IGSF11: variants seen among roughly 807,000 people sequenced by gnomAD.
IGSF11 encodes the protein immunoglobulin superfamily member 11.
Under a neutral mutation model 41.0 loss-of-function variants are expected in IGSF11, and 22 were observed. The observed-to-expected ratio is 0.54, with a 90% CI of 0.38 to 0.77. The LOEUF (loss-of-function observed/expected upper bound fraction) is 0.77, where lower values mean the gene tolerates loss of function less well. IGSF11 is among the 30% of genes least tolerant of loss of function. IGSF11 has a pLI of 0.00. For synonymous variants in IGSF11, 219 were observed against 201.3 expected, an observed-to-expected ratio of 1.09 and a Z score of -0.74; for missense variants, 444 against 530.8, an observed-to-expected ratio of 0.84 and a Z score of 1.61.
At chr3:119,039,004 A>C (rs1941014154), upstream of IGSF11, among the ~76,000 whole-genome samples, 3 of 152,198 alleles carry the variant, frequency 2.0e-5, no homozygotes, top group Admixed American at 2.0e-4. Context: ...TGCACAAAGG[A>C]AGGAATCCAT....
At chr3:119,045,507 T>C (rs988318217) in intron 1 of IGSF11, among the ~76,000 whole-genome samples, 1 of 152,158 alleles carries the variant, frequency 6.6e-6, no homozygotes, top group African/African-American at 2.4e-5. Context: ...CCACGGAGTC[T>C]CGCTGATTGC....
At position 118,985,696 on chromosome 3, in the gene IGSF11, C is replaced by T. The variant is rs368917191; in HGVS notation, c.52+48835G>A. 1.8e-4 allele frequency among the ~76,000 whole-genome samples: 28 copies of T among 152,324 alleles called. 2 individuals are homozygous for T. In the East Asian group the frequency reaches 4.1e-3, roughly 22 times the overall value. ...TTCATCCTTTACAATGAAACTATCA[C>T]TCATTTTACCTCCTAAATTGGTCTC... On this transcript the variant is annotated intron_variant, in intron 1 of 6. Transcript: ENST00000393775.
intron 1 of IGSF11, among the ~76,000 whole-genome samples, chr3:118,998,528 T>C (rs556865863): frequency 2.0e-5 from 3 of 152,086 alleles, no homozygotes; most frequent in Admixed American, 2.0e-4. Context: ...CAAACTGACT[T>C]CTTTCATTTA....
chr3:118,947,581 T>A lies in IGSF11; in HGVS notation c.53-17306A>T, dbSNP rs1559942718. ...GATAAAGCTGGCTATAAATTCACAT[T>A]TTCATGTGAGCGTTTTGAAGTATGT... is the stretch of plus-strand genomic sequence containing the variant. On this transcript the variant is annotated intron_variant, in intron 1 of 6. Coordinates refer to ENST00000393775, the MANE Select transcript of IGSF11 (RefSeq NM_001015887.3). The A allele has an allele frequency of 5.9e-5, 9 of 152,348 alleles. No homozygotes were observed. The South Asian group carries it at 1.7e-3, about 28-fold the overall frequency. 9.4% of individuals were successfully genotyped at this position (152,348 alleles called of 1,614,324 possible).
intron 1 of IGSF11, among the ~76,000 whole-genome samples, chr3:119,065,474 T>A (rs1237202441): frequency 1.3e-5 from 2 of 152,070 alleles, no homozygotes; most frequent in African/African-American, 2.4e-5. Flanking sequence ...GTTTTTAGAA[T>A]CAAAATTACG....
Position 118,904,315 on chromosome 3 carries a change from T to C in IGSF11, c.854+333A>G, listed in dbSNP as rs149366403. On this transcript the variant is annotated intron_variant, in intron 6 of 6. Coordinates refer to ENST00000393775, the MANE Select transcript of IGSF11 (RefSeq NM_001015887.3). The stretch of plus-strand genomic sequence containing the variant: ...TCTTGCTTTATGTTCACATCTATTA[T>C]AAATGTCAATAGTAAACACGTTTTA... Among the ~76,000 whole-genome samples, 518 of 152,308 alleles carry C rather than the reference T, an allele frequency of 3.4e-3. 3 individuals carry two copies. Among genetic ancestry groups the C allele is most frequent in the African/African-American group, 0.011 (464 of 41,570 alleles).
intron 1 of IGSF11, among the ~76,000 whole-genome samples, chr3:119,029,173 TACAC>T (rs66598029): frequency 0.021 from 2,346 of 111,522 alleles, 37 homozygotes; most frequent in Admixed American, 0.039. Flanking sequence ...TTGGGGATAA[TACAC>T]ACACACACAC....
chr3:118,965,628 T>C (rs78725267), intron 1 of IGSF11, among the ~76,000 whole-genome samples: 3,700 of 152,130 alleles, frequency 0.024, 80 homozygotes, highest in East Asian at 0.066. Flanking sequence ...CTAACAAATA[T>C]ATGTGAGCTG....
chr3:119,109,825 T>C (rs2077113128), upstream of IGSF11, among the ~76,000 whole-genome samples: 1 of 152,234 alleles, frequency 6.6e-6, no homozygotes. Context: ...ACATCTTTAT[T>C]TCTGCCTTCC....
upstream of IGSF11, among the ~76,000 whole-genome samples, chr3:119,039,672 C>A (rs1349828303): frequency 6.6e-6 from 1 of 152,216 alleles, no homozygotes; most frequent in Admixed American, 6.5e-5. Context: ...TCCCCTTAGT[C>A]ATTCTGCTGT....
chr3:119,139,165 T>C (rs79545146), intron 1 of IGSF11, among the ~76,000 whole-genome samples: 10,583 of 151,972 alleles, frequency 0.07, 714 homozygotes, highest in South Asian at 0.18. Flanking sequence ...CCAAAAAATA[T>C]ATATAAATAA....
At chr3:118,936,119 T>TA (rs1943256361) in intron 1 of IGSF11, among the ~76,000 whole-genome samples, 3 of 152,134 alleles carry the variant, frequency 2.0e-5, no homozygotes, top group East Asian at 1.9e-4. Flanking sequence ...TCTATCCTAT[T>TA]AAAAAAACCA....
chr3:119,093,072 T>C (rs1220961537), intron 1 of IGSF11, among the ~76,000 whole-genome samples: 1 of 152,128 alleles, frequency 6.6e-6, no homozygotes, highest in African/African-American at 2.4e-5. Context: ...CCCCTGTCAT[T>C]AAGTAACACA....
At chr3:119,080,619 T>A (rs919908322) in intron 1 of IGSF11, among the ~76,000 whole-genome samples, 5 of 152,200 alleles carry the variant, frequency 3.3e-5, no homozygotes, top group African/African-American at 1.2e-4. Flanking sequence ...GATGTGAAGT[T>A]GATAATTTAT....
At chr3:119,137,640 G>A (rs186649567) in intron 1 of IGSF11, among the ~76,000 whole-genome samples, 17 of 152,290 alleles carry the variant, frequency 1.1e-4, no homozygotes, top group African/African-American at 4.1e-4. Flanking sequence ...AAACTCTCCA[G>A]TACATTGGGC....
At chr3:119,141,227 T>G (rs2077644282) in intron 1 of IGSF11, among the ~76,000 whole-genome samples, 1 of 151,488 alleles carries the variant, frequency 6.6e-6, no homozygotes, top group Admixed American at 6.6e-5. Context: ...TAAATCCAAA[T>G]GAAAACACAA....
chr3:119,077,084 A>T (rs2076512488), intron 1 of IGSF11, among the ~76,000 whole-genome samples: 1 of 152,256 alleles, frequency 6.6e-6, no homozygotes. Flanking sequence ...AATACTGTGC[A>T]GCCATATAAA....
intron 1 of IGSF11, among the ~76,000 whole-genome samples, chr3:119,016,029 G>A (rs1453166775): frequency 6.6e-6 from 1 of 152,218 alleles, no homozygotes; most frequent in Non-Finnish European, 1.5e-5. Flanking sequence ...GACATAAAGA[G>A]AAAGCCAGTC....
At chr3:119,121,955 A>G (rs1490883104) in intron 1 of IGSF11, among the ~76,000 whole-genome samples, 1 of 152,238 alleles carries the variant, frequency 6.6e-6, no homozygotes, top group Non-Finnish European at 1.5e-5. Flanking sequence ...AATTCTGTCC[A>G]AAGAATCTCT....
Sources: allele counts gnomAD v4.1 joint callset (sites outside exome capture counted in the v4.1 genomes callset), GRCh38; gene constraint gnomAD v4.1.1; transcripts MANE v1.5; gene names NCBI Gene and HGNC (gene_info 2026-07-23, HGNC 2026-07-21).